LUC7L2: variants seen among roughly 807,000 people sequenced by gnomAD.
LUC7L2 encodes the protein LUC7 like 2, pre-mRNA splicing factor.
A neutral mutation model predicts 52.8 loss-of-function variants in LUC7L2; 25 were observed. That is an observed-to-expected ratio of 0.47 (90% CI 0.34 to 0.66). The LOEUF (loss-of-function observed/expected upper bound fraction) is 0.66. Ranked by LOEUF, LUC7L2 falls within the 30% of genes least tolerant of loss-of-function variation. The pLI is 0.01. For synonymous variants in LUC7L2, 144 were observed against 160.9 expected (o/e 0.89, Z 0.80); for missense variants, 328 against 497.8 (o/e 0.66, Z 3.25).
chr7:139,392,813 C>T (rs571141555), intron 2 of LUC7L2, among the ~76,000 whole-genome samples: 17 of 152,072 alleles, frequency 1.1e-4, no homozygotes, highest in Admixed American at 3.3e-4. Context: ...CCACCACGCC[C>T]GGCTAATTTT....
At chr7:139,356,537 T>C (rs1018006090), upstream of LUC7L2, among the ~76,000 whole-genome samples, 4 of 151,494 alleles carry the variant, frequency 2.6e-5, no homozygotes, top group Non-Finnish European at 5.9e-5. Context: ...ATCTCAGCAC[T>C]TTGGGAGGCC....
At chr7:139,349,027 G>A (rs150912392) in intron 1 of LUC7L2, among the ~76,000 whole-genome samples, 87 of 117,348 alleles carry the variant, frequency 7.4e-4, no homozygotes, top group Non-Finnish European at 1.3e-3. Context: ...CCAGACACAC[G>A]CAAGTAATCC....
chr7:139,387,491 TTTTA>T (rs1188556744), intron 2 of LUC7L2, among the ~76,000 whole-genome samples: 9 of 152,210 alleles, frequency 5.9e-5, no homozygotes, highest in Non-Finnish European at 8.8e-5. Context: ...AAAATTTTTA[TTTTA>T]TTTATTTATT....
At chr7:139,378,872 A>G (rs1800848001) in intron 2 of LUC7L2, among the ~76,000 whole-genome samples, 1 of 152,192 alleles carries the variant, frequency 6.6e-6, no homozygotes, top group African/African-American at 2.4e-5. Flanking sequence ...TTAAATTCTG[A>G]AAGGTTCACA....
intron 1 of LUC7L2, chr7:139,345,773 C>T: frequency 6.9e-7 from 1 of 1,448,570 alleles, no homozygotes. Flanking sequence ...ATGTATTTAT[C>T]ATTAAATTTT....
Position 139,371,724 on chromosome 7 carries a change from A to T in LUC7L2, c.62-4338A>T, listed in dbSNP as rs1337309243. Among the ~76,000 whole-genome samples the T allele has an allele frequency of 3.3e-5, 5 of 152,074 alleles. No homozygotes were observed. The East Asian group carries it at 9.6e-4, about 29-fold the overall frequency. ...CAGTGTTGGGAATGACAGTGGGCTT[A>T]TTTTTTCCCTCCTGATATATGGAAG... On this transcript the variant is annotated intron_variant, in intron 1 of 9. Coordinates refer to ENST00000354926, the MANE Select transcript of LUC7L2 (RefSeq NM_016019.5).
At chr7:139,362,801 C>T (rs1799955594) in intron 1 of LUC7L2, among the ~76,000 whole-genome samples, 1 of 151,946 alleles carries the variant, frequency 6.6e-6, no homozygotes, top group Non-Finnish European at 1.5e-5. Context: ...CTCAAGGTTT[C>T]TTCCCCCTCC....
chr7:139,412,498 C>T (rs1339960996), intron 7 of LUC7L2, 53 bp from the exon 8 acceptor site: 2 of 1,552,630 alleles, frequency 1.3e-6, no homozygotes, highest in African/African-American at 2.8e-5. Flanking sequence ...TAACACTGCA[C>T]TGTTTTCTTA....
chr7:139,358,845 T>A (rs1274828366), upstream of LUC7L2, among the ~76,000 whole-genome samples: 1 of 152,102 alleles, frequency 6.6e-6, no homozygotes. Flanking sequence ...CACGCCCGGC[T>A]AATTTTTATA....
chr7:139,345,279 C>T (rs922706367), intron 1 of LUC7L2, among the ~76,000 whole-genome samples: 1 of 152,106 alleles, frequency 6.6e-6, no homozygotes, highest in Non-Finnish European at 1.5e-5. Flanking sequence ...AATACAGGGA[C>T]ATTCAATGCA....
At chr7:139,366,971 T>C (rs923567107) in intron 1 of LUC7L2, among the ~76,000 whole-genome samples, 2 of 152,076 alleles carry the variant, frequency 1.3e-5, no homozygotes, top group African/African-American at 4.8e-5. Context: ...GCCTTTATTA[T>C]TATTTATTTT....
chr7:139,409,985 A>G (rs1454004748), intron 7 of LUC7L2, among the ~76,000 whole-genome samples: 1 of 152,146 alleles, frequency 6.6e-6, no homozygotes. Context: ...AGGCGGGTGG[A>G]TCACGAGGTC....
In LUC7L2 at chr7:139,412,505, CTTA is replaced by C. The variant is rs1795403777; in HGVS notation, c.780-43_780-41del. 3 of 1,564,380 alleles carry C rather than the reference CTTA, an allele frequency of 1.9e-6. No homozygotes were observed. The Admixed American group carries it at 5.8e-5, about 30-fold the overall frequency. On this transcript the variant is annotated intron_variant, in intron 7 of 9. Transcript: ENST00000354926. ...ATATAATGTAACACTGCACTGTTTTCTTATTTATAGCCACTTTTCTAAAAATAC... is the reference window on the plus strand; with the variant it reads ...ATATAATGTAACACTGCACTGTTTTCTTTATAGCCACTTTTCTAAAAATAC...
intron 1 of LUC7L2, among the ~76,000 whole-genome samples, chr7:139,368,591 A>G (rs10954645): frequency 0.38 from 58,453 of 151,888 alleles, 15,732 homozygotes; most frequent in African/African-American, 0.77. Context: ...TATAAAAATT[A>G]GCCAGATGTG....
intron 1 of LUC7L2, chr7:139,345,801 T>C: frequency 7.5e-7 from 1 of 1,325,856 alleles, no homozygotes. Context: ...TTTAAGGTTT[T>C]TCTCTGTAAT....
At chr7:139,355,049 CAG>C (rs1177429236), upstream of LUC7L2, among the ~76,000 whole-genome samples, 4 of 151,686 alleles carry the variant, frequency 2.6e-5, no homozygotes, top group Non-Finnish European at 5.9e-5. Context: ...TTTGTAGAGA[CAG>C]GGTTTCTCCA....
intron 1 of LUC7L2, chr7:139,346,097 C>T (rs950275410): frequency 7.0e-5 from 11 of 157,104 alleles, no homozygotes; most frequent in Admixed American, 3.8e-4. Flanking sequence ...ATTAGCCAGG[C>T]GTGGTGGCAC....
intron 2 of LUC7L2, among the ~76,000 whole-genome samples, chr7:139,384,055 G>A (rs887374341): frequency 2.0e-5 from 3 of 151,972 alleles, no homozygotes; most frequent in African/African-American, 7.3e-5. Flanking sequence ...CCTGGCCCTG[G>A]CCTGGATTTC....
At chr7:139,385,297 A>G (rs1794143094) in intron 2 of LUC7L2, among the ~76,000 whole-genome samples, 1 of 137,070 alleles carries the variant, frequency 7.3e-6, no homozygotes, top group Non-Finnish European at 1.6e-5. Context: ...TCTTGAATCT[A>G]TCAGTTAGGA....
Sources: gnomAD v4.1 joint callset for allele counts (sites outside exome capture counted in the v4.1 genomes callset) on GRCh38, gnomAD v4.1.1 for gene constraint, MANE v1.5 for transcripts, NCBI Gene and HGNC (gene_info 2026-07-23, HGNC 2026-07-21) for gene names.